KCNQ5: variants seen among roughly 807,000 people sequenced by gnomAD.
KCNQ5 encodes potassium voltage-gated channel subfamily Q member 5, also known as potassium voltage-gated channel subfamily KQT member 5.
KCNQ5 carries 30 observed loss-of-function variants against 98.2 expected under a neutral mutation model. That is an observed-to-expected ratio of 0.31 (90% CI 0.23 to 0.41). KCNQ5 has a LOEUF of 0.41. Among genes scored for constraint, KCNQ5 ranks in the 10% least tolerant of loss-of-function variants. The probability of loss-of-function intolerance (pLI) is 1.00; values close to 1 mark genes in which losing one functional copy is unlikely to be tolerated. For synonymous variants in KCNQ5, 458 were observed against 449.4 expected, an observed-to-expected ratio of 1.02 and a Z score of -0.24; for missense variants, 835 against 1,182.5, an observed-to-expected ratio of 0.71 and a Z score of 4.31.
At chr6:72,880,951 T>A (rs1164333018) in intron 1 of KCNQ5, among the ~76,000 whole-genome samples, 1 of 152,148 alleles carries the variant, frequency 6.6e-6, no homozygotes, top group Non-Finnish European at 1.5e-5. Context: ...ACATGAACAG[T>A]TGGATTGATC....
At chr6:72,889,965 T>A (rs1778996207) in intron 1 of KCNQ5, among the ~76,000 whole-genome samples, 1 of 152,156 alleles carries the variant, frequency 6.6e-6, no homozygotes, top group South Asian at 2.1e-4. Flanking sequence ...CAGAGAGAAC[T>A]GAATTCAGTC....
chr6:73,132,652 G>A lies in KCNQ5; in HGVS notation c.1248-769G>A, dbSNP rs115962003. Among the ~76,000 whole-genome samples the A allele has an allele frequency of 9.7e-3, 1,477 of 152,278 alleles. 29 individuals carry two copies. Among genetic ancestry groups the A allele is most frequent in the African/African-American group, 0.034 (1,413 of 41,532 alleles). ...GCCCACAACAATTTGATCTTAGCCGGCATCAGAGAACTGAATGCCTGAACA... is the reference window on the plus strand; with the variant it reads ...GCCCACAACAATTTGATCTTAGCCGACATCAGAGAACTGAATGCCTGAACA... On this transcript the variant is annotated intron_variant, in intron 9 of 13. Coordinates refer to ENST00000370398, the MANE Select transcript of KCNQ5 (RefSeq NM_019842.4).
Position 73,101,355 on chromosome 6 carries a change from G to T in KCNQ5, c.919-3902G>T, listed in dbSNP as rs913949010. On this transcript the variant is annotated intron_variant, in intron 5 of 13. Coordinates refer to ENST00000370398, the MANE Select transcript of KCNQ5 (RefSeq NM_019842.4). ...CCTCCTATATTTAGAACACAACAAA[G>T]ATGCTCATTTTCACCACTGTTATTC... Among the ~76,000 whole-genome samples, 5 of 152,074 alleles carry T rather than the reference G, an allele frequency of 3.3e-5. No homozygotes were observed. In the East Asian group the frequency reaches 5.8e-4, roughly 18 times the overall value.
chr6:72,857,829 C>G (rs1033006306), intron 1 of KCNQ5, among the ~76,000 whole-genome samples: 3 of 152,170 alleles, frequency 2.0e-5, no homozygotes, highest in Non-Finnish European at 4.4e-5. Flanking sequence ...ACCCTACTCT[C>G]AAAGAGTTCA....
intron 1 of KCNQ5, among the ~76,000 whole-genome samples, chr6:72,644,494 AC>A (rs1395031378): frequency 1.3e-5 from 2 of 152,152 alleles, no homozygotes; most frequent in Non-Finnish European, 2.9e-5. Flanking sequence ...TCTGCAAATG[AC>A]CTCAAAAGTG....
chr6:73,018,105 G>C (rs1770433618), intron 2 of KCNQ5, among the ~76,000 whole-genome samples: 1 of 152,154 alleles, frequency 6.6e-6, no homozygotes, highest in Non-Finnish European at 1.5e-5. Flanking sequence ...TGCAGAAATA[G>C]AGAAGGGCCG....
At chr6:72,907,600 G>A (rs757219956) in intron 1 of KCNQ5, among the ~76,000 whole-genome samples, 8 of 151,956 alleles carry the variant, frequency 5.3e-5, no homozygotes, top group South Asian at 2.1e-4. Context: ...TTCCTCCTAG[G>A]CTATCTCCTT....
chr6:72,748,723 C>A (rs1478949634), intron 1 of KCNQ5, among the ~76,000 whole-genome samples: 18 of 152,248 alleles, frequency 1.2e-4, no homozygotes, highest in Non-Finnish European at 2.4e-4. Flanking sequence ...AGATTTTCAT[C>A]ATAGACAGCA....
chr6:73,006,868 T>A (rs1270995475), intron 2 of KCNQ5, among the ~76,000 whole-genome samples: 2 of 152,112 alleles, frequency 1.3e-5, no homozygotes, highest in African/African-American at 2.4e-5. Context: ...TTTCCTACAA[T>A]TCTATTTCTG....
At chr6:72,709,326 C>G (rs907713963) in intron 1 of KCNQ5, among the ~76,000 whole-genome samples, 3 of 152,120 alleles carry the variant, frequency 2.0e-5, no homozygotes, top group African/African-American at 7.2e-5. Context: ...CTTGGAATCC[C>G]ATTCATTAGT....
intron 1 of KCNQ5, among the ~76,000 whole-genome samples, chr6:72,972,073 T>C (rs1767929958): frequency 6.6e-6 from 1 of 152,186 alleles, no homozygotes; most frequent in African/African-American, 2.4e-5. Context: ...TTGTTATGGC[T>C]TCTTGATGGG....
In KCNQ5 at chr6:73,146,541, C is replaced by A. The variant is rs557431451; in HGVS notation, c.1468+12900C>A. Among the ~76,000 whole-genome samples, 3 of 136,644 alleles carry A rather than the reference C, an allele frequency of 2.2e-5. No individual in the cohort carries two copies. In the Admixed American group the frequency reaches 2.5e-4, roughly 12 times the overall value. The allele number at this position is 136,644 out of a possible 152,430, so 89.6% of individuals were successfully genotyped here. A position where few individuals can be genotyped will look rare whatever the true frequency, so the allele number is the denominator to read the frequency against. ...TTGGGAGGCTGAGAAATGGGAGGAT[C>A]TTTTGAGCCCAGGAGGTTGAGGCTG... On this transcript the variant is annotated intron_variant, in intron 10 of 13. Transcript: ENST00000370398.
At chr6:72,923,143 A>G (rs113957493) in intron 1 of KCNQ5, among the ~76,000 whole-genome samples, 16,398 of 152,140 alleles carry the variant, frequency 0.11, 1,163 homozygotes, top group South Asian at 0.17. Flanking sequence ...TTACCTGTTG[A>G]TGGACACTTA....
intron 1 of KCNQ5, among the ~76,000 whole-genome samples, chr6:72,664,559 G>C (rs757825540): frequency 6.6e-6 from 1 of 152,096 alleles, no homozygotes; most frequent in Admixed American, 6.6e-5. Flanking sequence ...GGAGGCTGAG[G>C]CAGGAGAGTC....
At chr6:73,169,544 A>G (rs896494036) in intron 10 of KCNQ5, among the ~76,000 whole-genome samples, 2 of 152,246 alleles carry the variant, frequency 1.3e-5, no homozygotes, top group African/African-American at 4.8e-5. Context: ...AACAGTTCAG[A>G]AAAGTATTCA....
Position 72,966,528 on chromosome 6 carries a change from A to G in KCNQ5, c.399-37380A>G, listed in dbSNP as rs552281790. Reference sequence around the variant, plus strand: ...GGTTGCAGTGAGGCAAGATCACCACACTGCACTTCAGCCTCGGTGACAAGA... The same window carrying G: ...GGTTGCAGTGAGGCAAGATCACCACGCTGCACTTCAGCCTCGGTGACAAGA... On this transcript the variant is annotated intron_variant, in intron 1 of 13. Coordinates refer to ENST00000370398, the MANE Select transcript of KCNQ5 (RefSeq NM_019842.4). Among the ~76,000 whole-genome samples the G allele has an allele frequency of 5.9e-5, 9 of 152,308 alleles. No individual in the cohort carries two copies. In the South Asian group the frequency reaches 1.2e-3, roughly 21 times the overall value.
intron 1 of KCNQ5, among the ~76,000 whole-genome samples, chr6:72,679,344 C>A (rs1767576610): frequency 1.3e-5 from 2 of 151,944 alleles, no homozygotes; most frequent in African/African-American, 4.8e-5. Flanking sequence ...CAAAGATAGA[C>A]TGGATTAAGA....
At chr6:72,629,852 G>A (rs559572077) in intron 1 of KCNQ5, among the ~76,000 whole-genome samples, 1 of 152,240 alleles carries the variant, frequency 6.6e-6, no homozygotes, top group African/African-American at 2.4e-5. Context: ...GAGAAAGATT[G>A]GCCACACATC....
At chr6:72,806,930 C>G (rs909318758) in intron 1 of KCNQ5, 28 of 362,140 alleles carry the variant, frequency 7.7e-5, no homozygotes, top group African/African-American at 5.6e-4. Flanking sequence ...TTTCTATAAA[C>G]AATAAACATT....
Sources: allele counts gnomAD v4.1 joint callset (sites outside exome capture counted in the v4.1 genomes callset), GRCh38; gene constraint gnomAD v4.1.1; transcripts MANE v1.5; gene names NCBI Gene and HGNC (gene_info 2026-07-23, HGNC 2026-07-21).